Variants in DNAJC7 observed in about 807,000 individuals in gnomAD.
DNAJC7 encodes the protein dnaJ homolog subfamily C member 7.
DNAJC7 carries 18 observed loss-of-function variants against 67.4 expected under a neutral mutation model. The observed-to-expected ratio is 0.27, with a 90% CI of 0.18 to 0.40. The LOEUF (loss-of-function observed/expected upper bound fraction) is 0.40. Ranked by LOEUF, DNAJC7 falls within the 10% of genes least tolerant of loss-of-function variation. The pLI, the probability that DNAJC7 is intolerant of heterozygous loss-of-function variation, is 1.00. For synonymous variants in DNAJC7, 220 were observed against 207.8 expected (o/e 1.06, Z -0.50); for missense variants, 419 against 613.8 (o/e 0.68, Z 3.35).
chr17:42,001,549 A>T (rs2143277923), intron 1 of DNAJC7, among the ~76,000 whole-genome samples: 1 of 152,306 alleles, frequency 6.6e-6, no homozygotes, highest in Non-Finnish European at 1.5e-5. Context: ...AGTGATAAAG[A>T]TAATTCTTTA....
chr17:42,001,389 C>A (rs138806956), intron 1 of DNAJC7, among the ~76,000 whole-genome samples: 1 of 152,158 alleles, frequency 6.6e-6, no homozygotes, highest in African/African-American at 2.4e-5. Flanking sequence ...ACAAAGTATA[C>A]TTTCCTAAAC....
intron 12 of DNAJC7, chr17:41,977,574 T>G (rs1879529288): frequency 2.7e-6 from 1 of 368,932 alleles, no homozygotes; most frequent in Admixed American, 4.3e-5. Flanking sequence ...CTTTCTCTGC[T>G]TCAGCTTGCT....
intron 2 of DNAJC7, among the ~76,000 whole-genome samples, chr17:41,998,881 C>A (rs1455474540): frequency 7.2e-5 from 11 of 152,060 alleles, no homozygotes; most frequent in Admixed American, 7.2e-4. Flanking sequence ...AAACTACCCA[C>A]CCCAGTTAGA....
chr17:41,977,520 T>C (rs1189643823), intron 12 of DNAJC7, 197 bp from the exon 13 acceptor site: 1 of 502,132 alleles, frequency 2.0e-6, no homozygotes, highest in Non-Finnish European at 3.6e-6. Flanking sequence ...ATCCCACTCC[T>C]AGGACATGTT....
chr17:41,985,965 A>C (rs2051363093), intron 9 of DNAJC7: 1 of 150,562 alleles, frequency 6.6e-6, no homozygotes, highest in South Asian at 2.1e-4. Context: ...CATTTCTTGC[A>C]CATAAACAAA....
intron 1 of DNAJC7, among the ~76,000 whole-genome samples, chr17:42,006,448 C>A (rs1202025507): frequency 6.6e-6 from 1 of 151,636 alleles, no homozygotes; most frequent in Non-Finnish European, 1.5e-5. Context: ...GAGGTCGAGG[C>A]TGCAGCAAAC....
At chr17:41,996,211 G>T in intron 4 of DNAJC7, 100 bp downstream of exon 4, 2 of 1,155,176 alleles carry the variant, frequency 1.7e-6, no homozygotes, top group Non-Finnish European at 2.5e-6. Flanking sequence ...GTGTGCTGAT[G>T]GCAGAAGTGA....
At chr17:42,016,876 A>C in intron 1 of DNAJC7, 1 of 879,362 alleles carries the variant, frequency 1.1e-6, no homozygotes, top group East Asian at 1.1e-4. Context: ...AACCCAGACT[A>C]GTGATCGCTG....
chr17:41,997,297 A>G (rs1468588733), intron 2 of DNAJC7, 58 bp from the exon 3 acceptor site: 1 of 1,575,698 alleles, frequency 6.3e-7, no homozygotes, highest in African/African-American at 1.3e-5. Flanking sequence ...TGCTTTGAAA[A>G]CTTAGAGGGG....
intron 2 of DNAJC7, 59 bp from the exon 3 acceptor site, chr17:41,997,298 C>T (rs568618729): frequency 6.4e-7 from 1 of 1,573,700 alleles, no homozygotes; most frequent in African/African-American, 1.3e-5. Flanking sequence ...GCTTTGAAAA[C>T]TTAGAGGGGG....
intron 10 of DNAJC7, among the ~76,000 whole-genome samples, chr17:41,982,853 G>A (rs782738541): frequency 1.3e-5 from 2 of 151,834 alleles, no homozygotes; most frequent in Non-Finnish European, 2.9e-5. Flanking sequence ...CCAGTTATTC[G>A]GGAGGCTGAG....
At chr17:41,990,656 G>A (rs1359326209) in intron 5 of DNAJC7, among the ~76,000 whole-genome samples, 2 of 151,448 alleles carry the variant, frequency 1.3e-5, no homozygotes, top group African/African-American at 4.9e-5. Context: ...TATGAAATAG[G>A]CAATATTATC....
At chr17:42,008,259 C>A (rs1429346108) in intron 1 of DNAJC7, among the ~76,000 whole-genome samples, 1 of 148,646 alleles carries the variant, frequency 6.7e-6, no homozygotes, top group Non-Finnish European at 1.5e-5. Context: ...TTGCAGTGAG[C>A]CGAGACTGTG....
intron 1 of DNAJC7, among the ~76,000 whole-genome samples, chr17:42,005,212 C>A (rs1457013651): frequency 6.6e-6 from 1 of 152,216 alleles, no homozygotes; most frequent in African/African-American, 2.4e-5. Context: ...TGGTATCACA[C>A]AGGTCTTAGC....
Position 41,977,403 on chromosome 17 carries a change from G to A in DNAJC7, c.1385-80C>T, listed in dbSNP as rs1451111500. The stretch of plus-strand genomic sequence containing the variant: ...GTTCGAAGAGAACTGATGACACTGA[G>A]AACAGATCTCCAAAGCTTTCCTGGA... On this transcript the variant is annotated intron_variant, in intron 12 of 13. Transcript: ENST00000457167. The A allele has an allele frequency of 3.9e-6, 5 of 1,289,892 alleles. No homozygotes were observed. The African/African-American group carries it at 7.4e-5, about 19-fold the overall frequency. 79.9% of individuals were successfully genotyped at this position (1,289,892 alleles called of 1,614,324 possible).
intron 13 of DNAJC7, 56 bp downstream of exon 13, chr17:41,977,205 C>T: frequency 6.5e-7 from 1 of 1,527,224 alleles, no homozygotes; most frequent in Non-Finnish European, 8.9e-7. Context: ...GCCTAAGAGG[C>T]AATGAGTGTG....
chr17:41,977,362 G>A, intron 12 of DNAJC7, 39 bp from the exon 13 acceptor site: 2 of 1,534,546 alleles, frequency 1.3e-6, no homozygotes, highest in Non-Finnish European at 1.8e-6. Context: ...GGAAGAAAAG[G>A]TGAAAAATTA....
At chr17:41,994,094 T>C (rs1452776747) in intron 5 of DNAJC7, among the ~76,000 whole-genome samples, 3 of 147,428 alleles carry the variant, frequency 2.0e-5, no homozygotes, top group African/African-American at 5.0e-5. Context: ...TCCCAGCACT[T>C]TGGGAGGCTG....
At chr17:42,016,499 T>A (rs1555651929) in intron 1 of DNAJC7, 3 of 152,258 alleles carry the variant, frequency 2.0e-5, no homozygotes, top group Admixed American at 1.3e-4. Context: ...AGAACAAGTA[T>A]GACTACCCAC....
Sources: gnomAD v4.1 joint callset for allele counts (sites outside exome capture counted in the v4.1 genomes callset) on GRCh38, gnomAD v4.1.1 for gene constraint, MANE v1.5 for transcripts, NCBI Gene and HGNC (gene_info 2026-07-23, HGNC 2026-07-21) for gene names.